UBQLN4: variants seen among roughly 807,000 people sequenced by gnomAD.
The protein encoded by UBQLN4 is ubiquilin 4, also known as ubiquilin-4.
Under a neutral mutation model 60.4 loss-of-function variants are expected in UBQLN4, and 11 were observed. The observed-to-expected ratio is 0.18, with a 90% CI of 0.11 to 0.30. The LOEUF is 0.30. Among genes scored for constraint, UBQLN4 ranks in the 10% least tolerant of loss-of-function variants. The probability of loss-of-function intolerance (pLI) is 1.00; values close to 1 mark genes in which losing one functional copy is unlikely to be tolerated. For missense variants in UBQLN4, 417 were observed against 795.5 expected (o/e 0.52, Z 5.72); for synonymous variants, 258 against 313.1 (o/e 0.82, Z 1.86).
intron 10 of UBQLN4, among the ~76,000 whole-genome samples, chr1:156,037,804 C>G (rs1199145275): frequency 1.3e-5 from 2 of 152,094 alleles, no homozygotes; most frequent in African/African-American, 4.8e-5. Flanking sequence ...CCTCCAAGGC[C>G]CCTCCTAATA....
intron 1 of UBQLN4, among the ~76,000 whole-genome samples, 196 bp from the exon 2 acceptor site, chr1:156,052,053 G>A (rs571622390): frequency 6.6e-6 from 1 of 152,284 alleles, no homozygotes; most frequent in East Asian, 1.9e-4. Flanking sequence ...ACCAGTGAGA[G>A]GCTCTTCTCT....
chr1:156,041,899 T>C lies in UBQLN4; in HGVS notation c.1439A>G (p.Gln480Arg). 8 of 1,613,686 alleles carry C rather than the reference T, an allele frequency of 5.0e-6. No homozygotes were observed. The highest frequency in any genetic ancestry group is 6.8e-6 in the Non-Finnish European group (8 of 1,179,896). Residue 480 changes from glutamine to arginine, a missense_variant, in exon 9 of 11, where the codon CAG becomes CGG. By Grantham distance (43) the Gln-to-Arg change is conservative. Coordinates refer to ENST00000368309, the MANE Select transcript of UBQLN4 (RefSeq NM_020131.5). ...GGGTACCAGCCCAGGGGCCTCGGTC[T>C]GCAAGGTCTGTAGTCCCTGCTGGAT... ...LQIQQGLQTL[Q>R]TEAPGLVPSL...
chr1:156,036,410 A>G lies in UBQLN4; in HGVS notation c.*568T>C, dbSNP rs1683405574. 1 of 985,580 alleles carries G rather than the reference A, an allele frequency of 1.0e-6. No homozygotes were observed. Among genetic ancestry groups the G allele is most frequent in the Admixed American group, 6.1e-5 (1 of 16,276 alleles). The allele number at this position is 985,580 out of a possible 1,614,324, so 61.1% of individuals were successfully genotyped here. A position where few individuals can be genotyped will look rare whatever the true frequency, so the allele number is the denominator to read the frequency against. ...CAGGCATCTTCCTCCTTACCCTGGAATTTCCAACAGTTCCCACCAAAAAGT... is the reference window on the plus strand; with the variant it reads ...CAGGCATCTTCCTCCTTACCCTGGAGTTTCCAACAGTTCCCACCAAAAAGT... On this transcript the variant is annotated 3_prime_UTR_variant, in exon 11 of 11. Coordinates refer to ENST00000368309, the MANE Select transcript of UBQLN4 (RefSeq NM_020131.5).
At chr1:156,051,475 G>C (rs1683870558) in intron 2 of UBQLN4, 148 bp from the exon 3 acceptor site, 2 of 1,168,316 alleles carry the variant, frequency 1.7e-6, no homozygotes, top group South Asian at 1.3e-5. Flanking sequence ...GATGGCGGGA[G>C]GGCAGTCAGT....
intron 1 of UBQLN4, among the ~76,000 whole-genome samples, chr1:156,052,248 C>T (rs1005427575): frequency 3.3e-5 from 5 of 152,244 alleles, no homozygotes; most frequent in African/African-American, 1.2e-4. Flanking sequence ...ATTCTCTTAA[C>T]AACTACAACA....
chr1:156,049,859 G>C (rs1306033205), intron 4 of UBQLN4, among the ~76,000 whole-genome samples: 1 of 152,170 alleles, frequency 6.6e-6, no homozygotes, highest in East Asian at 1.9e-4. Context: ...CAGCCACAGT[G>C]CTCCCCAAAC....
In UBQLN4 at chr1:156,041,480, T is replaced by G; in HGVS notation, c.1653+5A>C. The G allele has an allele frequency of 6.3e-7, 1 of 1,581,188 alleles. No homozygotes were observed. Among genetic ancestry groups the G allele is most frequent in the Non-Finnish European group, 8.6e-7 (1 of 1,163,786 alleles). ...CCCAGCACCTGCCCCCACTGCCTCATGTACCTGTGAGTTTCCACTTCCAGC... is the reference window on the plus strand; with the variant it reads ...CCCAGCACCTGCCCCCACTGCCTCAGGTACCTGTGAGTTTCCACTTCCAGC... On this transcript the variant is annotated splice_donor_5th_base_variant and intron_variant, in intron 10 of 10. Transcript: ENST00000368309.
At position 156,051,774 on chromosome 1, in the gene UBQLN4, C is replaced by A; in HGVS notation, c.192G>T (p.Gly64=). The A allele has an allele frequency of 6.2e-7, 1 of 1,614,116 alleles. No individual in the cohort carries two copies. Among genetic ancestry groups the A allele is most frequent in the Non-Finnish European group, 8.5e-7 (1 of 1,180,012 alleles). The change falls in exon 2 of 11, where the codon GGG becomes GGT. Residue 64 remains glycine, a synonymous_variant. Transcript: ENST00000368309. ...TGATTCCGTGCTGGTTCAGTGTGTC[C>A]CCATCCTTGAGGATCTTGCCTGCGA... ...LIFAGKILKD[G]DTLNQHGIKD...
chr1:156,044,612 C>T (rs571718354), intron 5 of UBQLN4, among the ~76,000 whole-genome samples: 2 of 152,128 alleles, frequency 1.3e-5, no homozygotes, highest in South Asian at 4.1e-4. Context: ...TTTGCCTGTG[C>T]ACCCCCAGCC....
In UBQLN4 at chr1:156,041,684, G is replaced by C. The variant is rs1341562430; in HGVS notation, c.1467-13C>G. The stretch of plus-strand genomic sequence containing the variant: ...AAAGGAGCCAAGGCTGTAGGCAAGA[G>C]AGACCAAGAGGTAGGAGATGGCATC... On this transcript the variant is annotated splice_polypyrimidine_tract_variant and intron_variant, in intron 9 of 10. Transcript: ENST00000368309. 1 of 1,509,994 alleles carries C rather than the reference G, an allele frequency of 6.6e-7. No homozygotes were observed. Among genetic ancestry groups the C allele is most frequent in the African/African-American group, 1.4e-5 (1 of 71,396 alleles). 93.5% of individuals were successfully genotyped at this position (1,509,994 alleles called of 1,614,324 possible). A position where few individuals can be genotyped will look rare whatever the true frequency, so the allele number is the denominator to read the frequency against.
chr1:156,035,544 T>C lies in UBQLN4; in HGVS notation c.*1434A>G, dbSNP rs1683378288. The C allele has an allele frequency of 2.0e-6, 2 of 985,284 alleles. No individual in the cohort carries two copies. 61.0% of individuals were successfully genotyped at this position (985,284 alleles called of 1,614,324 possible). On this transcript the variant is annotated 3_prime_UTR_variant, in exon 11 of 11. Transcript: ENST00000368309. ...GTGCTCTGACAGAGAAATGTCCAAT[T>C]CCAGATCAAAGGCATCATTGCCACC...
At chr1:156,046,196 G>C (rs12138913) in intron 5 of UBQLN4, among the ~76,000 whole-genome samples, 143,332 of 151,956 alleles carry the variant, frequency 0.94, 67,974 homozygotes, top group East Asian at 1. Context: ...TTAAAAGTTT[G>C]TCAGTTTTAG....
At chr1:156,039,266 T>G (rs1483995158) in intron 10 of UBQLN4, among the ~76,000 whole-genome samples, 3 of 148,608 alleles carry the variant, frequency 2.0e-5, no homozygotes, top group Non-Finnish European at 4.5e-5. Flanking sequence ...TTTTTTTTTT[T>G]TGAGATGGAG....
In UBQLN4 at chr1:156,050,164, G is replaced by A. The variant is rs1198837190; in HGVS notation, c.741+127C>T. ...AAGCTAGGCCTGTCTTTTCATCCCTGTACCTCCAGTGTTCAAAACTGCTGA... is the reference window on the plus strand; with the variant it reads ...AAGCTAGGCCTGTCTTTTCATCCCTATACCTCCAGTGTTCAAAACTGCTGA... On this transcript the variant is annotated intron_variant, in intron 4 of 10. Transcript: ENST00000368309. The surrounding 1 kb of genome is among the most constrained non-coding windows in gnomAD (Gnocchi z 4.6). The A allele has an allele frequency of 6.2e-6, 8 of 1,293,372 alleles. No homozygotes were observed. Among genetic ancestry groups the A allele is most frequent in the South Asian group, 1.9e-5 (1 of 52,980 alleles). The allele number at this position is 1,293,372 out of a possible 1,614,324, so 80.1% of individuals were successfully genotyped here.
At chr1:156,034,678 G>A (rs58858774), downstream of UBQLN4, among the ~76,000 whole-genome samples, 1 of 150,772 alleles carries the variant, frequency 6.6e-6, no homozygotes, top group African/African-American at 2.4e-5. Context: ...TTACAATTCA[G>A]TTTCCTCTAC....
rs1469335849 is a variant in UBQLN4, at chr1:156,050,507, A to G, written c.525T>C (p.Ser175=). Residue 175 remains serine, a synonymous_variant, in exon 4 of 11, where the codon TCT becomes TCC. Coordinates refer to ENST00000368309, the MANE Select transcript of UBQLN4 (RefSeq NM_020131.5). This position sits in a 1 kb window ranked among gnomAD's most constrained non-coding sequence, Gnocchi z 4.6. ...GCTGCTGCAGCTCCATGAAGTTGGC[A>G]GAGCCCAGGCCTAGGCTGCCCAGCC... The part of the protein sequence containing the change: ...ILGLGSLGLG[S]ANFMELQQQM... The G allele has an allele frequency of 5.0e-6, 8 of 1,613,828 alleles. No homozygotes were observed. Among genetic ancestry groups the G allele is most frequent in the Non-Finnish European group, 6.8e-6 (8 of 1,179,970 alleles).
chr1:156,045,106 T>C (rs1683664008), intron 5 of UBQLN4, among the ~76,000 whole-genome samples: 2 of 152,204 alleles, frequency 1.3e-5, no homozygotes, highest in Non-Finnish European at 2.9e-5. Context: ...TCAGCCTTTC[T>C]TGTGGTCTAA....
Position 156,042,899 on chromosome 1 carries a change from G to A in UBQLN4, c.1141C>T (p.Pro381Ser). The A allele has an allele frequency of 6.2e-7, 1 of 1,614,102 alleles. No individual in the cohort carries two copies. Among genetic ancestry groups the A allele is most frequent in the Non-Finnish European group, 8.5e-7 (1 of 1,180,002 alleles). The change falls in exon 7 of 11, where the codon CCA (proline) becomes TCA (serine). Residue 381 changes from proline to serine, a missense_variant. Physicochemically the swap from Pro to Ser is moderately conservative, Grantham distance 74 (BLOSUM62 -1). Coordinates refer to ENST00000368309, the MANE Select transcript of UBQLN4 (RefSeq NM_020131.5). ...TGCTGGAGGAGGGCTTGCATTTCTGGGCTATTGAACATCCCTAGGACAAGG... is the reference window on the plus strand; with the variant it reads ...TGCTGGAGGAGGGCTTGCATTTCTGAGCTATTGAACATCCCTAGGACAAGG... ...ASLGSGMFNSPEMQALLQQIS... is the reference protein window; with the variant it reads ...ASLGSGMFNSSEMQALLQQIS...
At chr1:156,052,724 T>C (rs1683906147) in intron 1 of UBQLN4, among the ~76,000 whole-genome samples, 1 of 152,216 alleles carries the variant, frequency 6.6e-6, no homozygotes, top group African/African-American at 2.4e-5. Flanking sequence ...GTCCAGGCTC[T>C]TAACTAAACA....
Sources: gnomAD v4.1 joint callset for allele counts (sites outside exome capture counted in the v4.1 genomes callset) on GRCh38, gnomAD v4.1.1 for gene constraint, Gnocchi (gnomAD v3.1) non-coding constraint, MANE v1.5 for transcripts, NCBI Gene and HGNC (gene_info 2026-07-23, HGNC 2026-07-21) for gene names.